The following PLA2G4E variants were observed in gnomAD, a reference collection of about 807,000 sequenced individuals.
PLA2G4E encodes the protein cytosolic phospholipase A2 epsilon.
A neutral mutation model predicts 109.1 loss-of-function variants in PLA2G4E; 84 were observed. That is an observed-to-expected ratio of 0.77 (90% CI 0.65 to 0.92). PLA2G4E has a LOEUF of 0.92. Ranked by LOEUF, PLA2G4E falls within the 40% of genes least tolerant of loss-of-function variation. PLA2G4E has a pLI of 0.00. For synonymous variants in PLA2G4E, 469 were observed against 436.1 expected, an observed-to-expected ratio of 1.08 and a Z score of -0.94; for missense variants, 1,057 against 1,076.6, an observed-to-expected ratio of 0.98 and a Z score of 0.25.
At chr15:41,990,082 C>T (rs749276817) in intron 14 of PLA2G4E, 39 bp downstream of exon 14, 57 of 1,565,644 alleles carry the variant, frequency 3.6e-5, no homozygotes, top group Non-Finnish European at 4.8e-5. Context: ...GAAGTCCCCC[C>T]CTCCACCCCA....
chr15:42,044,573 G>A (rs1470560570), intron 1 of PLA2G4E, among the ~76,000 whole-genome samples: 1 of 143,252 alleles, frequency 7.0e-6, no homozygotes, highest in South Asian at 2.3e-4. Context: ...TCACAGGTGA[G>A]AACTGAACAA....
chr15:42,035,501 C>A (rs147086897), intron 1 of PLA2G4E, among the ~76,000 whole-genome samples: 2 of 152,132 alleles, frequency 1.3e-5, no homozygotes, highest in African/African-American at 4.8e-5. Flanking sequence ...GCTTTCCCAG[C>A]GAGTAAGGCT....
At chr15:41,990,053 G>T in intron 14 of PLA2G4E, 68 bp downstream of exon 14, 1 of 1,213,220 alleles carries the variant, frequency 8.2e-7, no homozygotes, top group Non-Finnish European at 1.2e-6. Context: ...TGGAGGTGCT[G>T]GGTGCTTTTG....
intron 2 of PLA2G4E, among the ~76,000 whole-genome samples, chr15:42,013,139 C>A (rs2068554299): frequency 6.6e-6 from 1 of 152,174 alleles, no homozygotes; most frequent in South Asian, 2.1e-4. Flanking sequence ...TAAGTCAAGC[C>A]ACATCCATGG....
At chr15:42,018,590 AC>A (rs2141062708) in intron 1 of PLA2G4E, among the ~76,000 whole-genome samples, 1 of 152,304 alleles carries the variant, frequency 6.6e-6, no homozygotes, top group Non-Finnish European at 1.5e-5. Context: ...GGCAAACAGT[AC>A]AGAGGTATAT....
intron 2 of PLA2G4E, 128 bp downstream of exon 2, chr15:42,013,557 T>A: frequency 1.2e-6 from 1 of 827,962 alleles, no homozygotes; most frequent in Non-Finnish European, 1.9e-6. Flanking sequence ...CATACACGTA[T>A]ACACCATGCA....
chr15:41,999,816 G>C (rs1207540849), intron 9 of PLA2G4E, 101 bp downstream of exon 9: 13 of 1,319,340 alleles, frequency 9.9e-6, no homozygotes, highest in Non-Finnish European at 1.4e-5. Flanking sequence ...ACCCTCACGA[G>C]TCACATTCTC....
chr15:41,984,192 A>G (rs2068103234), intron 19 of PLA2G4E, among the ~76,000 whole-genome samples: 2 of 152,188 alleles, frequency 1.3e-5, no homozygotes, highest in Non-Finnish European at 2.9e-5. Context: ...CCTAGCACCA[A>G]GCACAGTACT....
intron 1 of PLA2G4E, among the ~76,000 whole-genome samples, chr15:42,017,883 T>C (rs1434346326): frequency 2.6e-5 from 4 of 152,200 alleles, no homozygotes; most frequent in African/African-American, 9.7e-5. Flanking sequence ...TTGGAGAAGT[T>C]CCCATTTTCC....
At chr15:41,987,829 C>T (rs2068168345) in intron 16 of PLA2G4E, among the ~76,000 whole-genome samples, 2 of 152,108 alleles carry the variant, frequency 1.3e-5, no homozygotes, top group South Asian at 4.1e-4. Context: ...TGGCAGGGGG[C>T]CTCATCCTCG....
chr15:42,049,384 C>T (rs1295214609), intron 1 of PLA2G4E, among the ~76,000 whole-genome samples: 1 of 152,208 alleles, frequency 6.6e-6, no homozygotes, highest in Non-Finnish European at 1.5e-5. Flanking sequence ...GCAGCGGCCT[C>T]ATGACCAAAT....
At chr15:41,997,321 C>T (rs79198807) in intron 10 of PLA2G4E, 62 bp from the exon 11 acceptor site, 1 of 1,448,940 alleles carries the variant, frequency 6.9e-7, no homozygotes, top group Non-Finnish European at 9.2e-7. Flanking sequence ...GTAGACACAG[C>T]TTCAGGGTCC....
At chr15:42,050,650 G>T (rs1185345767) in exon 1 of PLA2G4E, 1 of 1,550,468 alleles carries the variant, frequency 6.4e-7, no homozygotes, top group Non-Finnish European at 8.7e-7. Context: ...GGCTCTGTGG[G>T]ACAAACACAT....
chr15:42,038,979 G>C (rs938980529), intron 1 of PLA2G4E, among the ~76,000 whole-genome samples: 1 of 152,112 alleles, frequency 6.6e-6, no homozygotes, highest in African/African-American at 2.4e-5. Context: ...GATATAAAAT[G>C]GTATCTCATT....
chr15:41,990,331 T>G lies in PLA2G4E; in HGVS notation c.1471-96A>C, dbSNP rs1035235184. On this transcript the variant is annotated intron_variant, in intron 13 of 19. Coordinates refer to ENST00000399518, the Ensembl canonical transcript of PLA2G4E. ...GACAATCTGGACCCCCGCAGCCACT[T>G]CCTGGCTCCTGAGCTCACCGGGCTG... 4 of 1,077,342 alleles carry G rather than the reference T, an allele frequency of 3.7e-6. No individual in the cohort carries two copies. The East Asian group carries it at 7.2e-5, about 19-fold the overall frequency. The allele number at this position is 1,077,342 out of a possible 1,614,324, so 66.7% of individuals were successfully genotyped here. A position where few individuals can be genotyped will look rare whatever the true frequency, so the allele number is the denominator to read the frequency against.
At chr15:42,041,885 A>G (rs978678265) in intron 1 of PLA2G4E, among the ~76,000 whole-genome samples, 1 of 152,166 alleles carries the variant, frequency 6.6e-6, no homozygotes, top group Non-Finnish European at 1.5e-5. Context: ...GCCTGGGCAA[A>G]TCAGCAGAGA....
At chr15:41,984,618 G>C (rs754571443) in exon 19 of PLA2G4E, 13 of 1,600,282 alleles carry the variant, frequency 8.1e-6, no homozygotes, top group Non-Finnish European at 1.1e-5. Flanking sequence ...TTGTTTCAGG[G>C]GCTGGAACAG....
At chr15:42,038,458 G>A (rs1889256171) in intron 1 of PLA2G4E, among the ~76,000 whole-genome samples, 1 of 152,244 alleles carries the variant, frequency 6.6e-6, no homozygotes, top group Non-Finnish European at 1.5e-5. Flanking sequence ...GGGAGACAGT[G>A]ACAGATCATC....
intron 1 of PLA2G4E, among the ~76,000 whole-genome samples, chr15:42,028,649 T>C (rs1214841949): frequency 6.6e-6 from 1 of 152,096 alleles, no homozygotes; most frequent in Non-Finnish European, 1.5e-5. Context: ...TCAGGTGATC[T>C]GCCCACCTCG....
Sources: gnomAD v4.1 joint callset for allele counts (sites outside exome capture counted in the v4.1 genomes callset) on GRCh38, gnomAD v4.1.1 for gene constraint, MANE v1.5 for transcripts, NCBI Gene and HGNC (gene_info 2026-07-23, HGNC 2026-07-21) for gene names.